Variants in CEP192 observed in about 807,000 individuals in gnomAD.
The protein encoded by CEP192 is centrosomal protein of 192 kDa.
Under a neutral mutation model 271.8 loss-of-function variants are expected in CEP192, and 151 were observed. The observed-to-expected ratio is 0.56, with a 90% CI of 0.49 to 0.64. The LOEUF (loss-of-function observed/expected upper bound fraction) is 0.64. CEP192 is among the 30% of genes least tolerant of loss of function. CEP192 has a pLI of 0.00. For missense variants in CEP192, 2,910 were observed against 3,020.5 expected, an observed-to-expected ratio of 0.96 and a Z score of 0.86; for synonymous variants, 995 against 1,076.5, an observed-to-expected ratio of 0.92 and a Z score of 1.48.
At chr18:13,007,516 G>T (rs116657515) in intron 3 of CEP192, among the ~76,000 whole-genome samples, 5,604 of 152,152 alleles carry the variant, frequency 0.037, 324 homozygotes, top group African/African-American at 0.13. Flanking sequence ...TTTATTTCCT[G>T]TCACCATCTT....
chr18:13,090,043 G>A (rs1344072893), intron 33 of CEP192, among the ~76,000 whole-genome samples: 1 of 152,112 alleles, frequency 6.6e-6, no homozygotes, highest in African/African-American at 2.4e-5. Flanking sequence ...AAAATAGATA[G>A]TAATAAGGTG....
rs1431404711 is a variant in CEP192 at position 13,029,804 on chromosome 18, C to T, written c.1192C>T (p.His398Tyr). Reference sequence around the variant, plus strand: ...TGTAAAACAGGGGGCAGAGTGTCCTCACCAAAATAAGACAGTTTTGCACAT... The same window carrying T: ...TGTAAAACAGGGGGCAGAGTGTCCTTACCAAAATAAGACAGTTTTGCACAT... ...DPVKQGAECP[H>Y]QNKTVLHMDG... Residue 398 changes from histidine (H) to tyrosine (Y), a missense_variant, in exon 10 of 45, where the codon CAC (histidine) becomes TAC (tyrosine). By Grantham distance (83) the His-to-Tyr change is moderately conservative (BLOSUM62 2). Coordinates refer to ENST00000506447, the MANE Select transcript of CEP192 (RefSeq NM_032142.4). 16 of 1,551,524 alleles carry T rather than the reference C, an allele frequency of 1.0e-5. No individual in the cohort carries two copies. Among genetic ancestry groups the T allele is most frequent in the Admixed American group, 2.0e-5 (1 of 50,986 alleles).
chr18:13,020,669 G>C (rs2034937832), intron 9 of CEP192, among the ~76,000 whole-genome samples: 1 of 152,144 alleles, frequency 6.6e-6, no homozygotes, highest in South Asian at 2.1e-4. Flanking sequence ...TTTCACAGCA[G>C]CTGCACCAGT....
At chr18:13,123,426 G>T (rs773935430) in intron 44 of CEP192, among the ~76,000 whole-genome samples, 1 of 152,170 alleles carries the variant, frequency 6.6e-6, no homozygotes, top group Non-Finnish European at 1.5e-5. Context: ...CAGGAAAAGG[G>T]CTTTGAAATA....
At chr18:13,010,352 T>C (rs934660240) in intron 4 of CEP192, among the ~76,000 whole-genome samples, 6 of 152,190 alleles carry the variant, frequency 3.9e-5, no homozygotes, top group African/African-American at 1.4e-4. Context: ...TGCCTGATTA[T>C]ATGTTGTAAG....
In CEP192 at chr18:13,056,262, G is replaced by A. The variant is rs766149397; in HGVS notation, c.3672G>A (p.Gln1224=). Residue 1224 remains glutamine, a synonymous_variant, in exon 19 of 45, where the codon CAG becomes CAA. Coordinates refer to ENST00000506447, the MANE Select transcript of CEP192 (RefSeq NM_032142.4). ...CTCATCAGACCACCTCTGAAAACCA[G>A]TGTACTCCTATTCCCAGCAGCACAG... is the stretch of plus-strand genomic sequence containing the variant. ...QVSHQTTSEN[Q]CTPIPSSTVH... The A allele has an allele frequency of 1.9e-6, 3 of 1,613,862 alleles. No homozygotes were observed. Among genetic ancestry groups the A allele is most frequent in the Admixed American group, 3.3e-5 (2 of 60,028 alleles).
chr18:13,026,678 C>T lies in CEP192; in HGVS notation c.1051-2985C>T, dbSNP rs143422384. On this transcript the variant is annotated intron_variant, in intron 9 of 44. Coordinates refer to ENST00000506447, the MANE Select transcript of CEP192 (RefSeq NM_032142.4). ...GCTGTGTCCAGTCTACCAATGAGCC[C>T]AGCGTAGACATTCCTCACGTGTTAC... is the stretch of plus-strand genomic sequence containing the variant. 2.0e-5 allele frequency among the ~76,000 whole-genome samples: 3 copies of T among 152,304 alleles called. No homozygotes were observed. The East Asian group carries it at 5.8e-4, about 29-fold the overall frequency.
chr18:13,104,894 G>A, intron 39 of CEP192, 90 bp from the exon 40 acceptor site: 1 of 968,260 alleles, frequency 1.0e-6, no homozygotes, highest in Non-Finnish European at 1.7e-6. Flanking sequence ...GTGTTGGTGT[G>A]TTCTCCGCAG....
Position 13,081,632 on chromosome 18 carries a change from C to T in CEP192, c.5617-5385C>T, listed in dbSNP as rs571734859. The stretch of plus-strand genomic sequence containing the variant: ...TTTGAAGGTTTTTTTGTGTCTCTAT[C>T]TCCTTCAGTTCTGCTCTGATCTTCA... On this transcript the variant is annotated intron_variant, in intron 30 of 44. Coordinates refer to ENST00000506447, the MANE Select transcript of CEP192 (RefSeq NM_032142.4). Among the ~76,000 whole-genome samples the T allele has an allele frequency of 1.8e-4, 27 of 152,228 alleles. 2 individuals are homozygous for T. The highest frequency in any genetic ancestry group is 1.7e-4 in the African/African-American group (7 of 41,542).
In CEP192 at chr18:13,049,132, A is replaced by G. The variant is rs1294369048; in HGVS notation, c.2341A>G (p.Met781Val). The change falls in exon 16 of 45, where the codon ATG (methionine) becomes GTG (valine). Residue 781 changes from methionine to valine, a missense_variant. Coordinates refer to ENST00000506447, the MANE Select transcript of CEP192 (RefSeq NM_032142.4). ...EKSNGSNALD[M>V]EKYLKKTEVS... is the part of the protein sequence containing the mutation. ...AAGTAATGGATCCAATGCACTTGAT[A>G]TGGAGAAATACCTTAAAAAAACAGA... 2.5e-6 allele frequency: 4 copies of G among 1,613,900 alleles called. No individual in the cohort carries two copies. Among genetic ancestry groups the G allele is most frequent in the Non-Finnish European group, 3.4e-6 (4 of 1,179,978 alleles).
intron 30 of CEP192, among the ~76,000 whole-genome samples, chr18:13,081,804 G>T (rs1323705760): frequency 3.9e-5 from 6 of 152,188 alleles, no homozygotes; most frequent in Non-Finnish European, 8.8e-5. Context: ...GGTACGTTGT[G>T]TCTTTGTTCT....
At position 13,049,544 on chromosome 18, in the gene CEP192, T is replaced by C. The variant is rs746716141; in HGVS notation, c.2753T>C (p.Leu918Pro). ...GTGAGGAACCCCAGAATAACATCCC[T>C]TTGTCTGTTAAAAGACTGTGAAGAA... ...SSVRNPRITSLCLLKDCEEIR... is the reference protein window; with the variant it reads ...SSVRNPRITSPCLLKDCEEIR... Residue 918 changes from leucine to proline, a missense_variant, in exon 16 of 45, where the codon CTT becomes CCT. Leu to Pro is a moderately conservative substitution (Grantham distance 98). Coordinates refer to ENST00000506447, the MANE Select transcript of CEP192 (RefSeq NM_032142.4). 7 of 1,613,928 alleles carry C rather than the reference T, an allele frequency of 4.3e-6. No homozygotes were observed. In the East Asian group the frequency reaches 1.6e-4, roughly 36 times the overall value.
chr18:13,087,045 G>A lies in CEP192; in HGVS notation c.5645G>A (p.Ser1882Asn). 2 of 1,612,202 alleles carry A rather than the reference G, an allele frequency of 1.2e-6. No homozygotes were observed. Among genetic ancestry groups the A allele is most frequent in the South Asian group, 1.1e-5 (1 of 90,986 alleles). Residue 1882 changes from serine (S) to asparagine (N), a missense_variant, in exon 31 of 45, where the codon AGC becomes AAC. Coordinates refer to ENST00000506447, the MANE Select transcript of CEP192 (RefSeq NM_032142.4). The stretch of plus-strand genomic sequence containing the variant: ...CCTTTGTCTGGATATGGAGGAACAA[G>A]CAATCTTATTTTGGAAGGCGTTAAA... ...TIPLSGYGGT[S>N]NLILEGVKKL...
rs1555698196 is a variant in CEP192 at position 13,000,091 on chromosome 18, C to CTCTCTCTTTTTT, written c.164+504_164+505insCTCTCTTTTTTT. Among the ~76,000 whole-genome samples, 25 of 76,750 alleles carry CTCTCTCTTTTTT rather than the reference C, an allele frequency of 3.3e-4. 1 individual carries two copies. The highest frequency in any genetic ancestry group is 1.0e-3 in the African/African-American group (24 of 23,494). The allele number at this position is 76,750 out of a possible 152,430, so 50.4% of individuals were successfully genotyped here. A position where few individuals can be genotyped will look rare whatever the true frequency, so the allele number is the denominator to read the frequency against. ...CTCTGTATAACTCATTGTCTTCTCT[C>CTCTCTCTTTTTT]TTTTTTTTTTTTTTTTTTTTTTTTT... is the stretch of plus-strand genomic sequence containing the variant. On this transcript the variant is annotated intron_variant, in intron 2 of 44. Transcript: ENST00000506447.
chr18:13,027,975 C>A (rs1413689752), intron 9 of CEP192, among the ~76,000 whole-genome samples: 1 of 152,158 alleles, frequency 6.6e-6, no homozygotes, highest in African/African-American at 2.4e-5. Flanking sequence ...CAAATTACCA[C>A]AGGCATGCCT....
At chr18:13,010,909 T>A (rs1380780748) in intron 4 of CEP192, among the ~76,000 whole-genome samples, 1 of 151,838 alleles carries the variant, frequency 6.6e-6, no homozygotes, top group Non-Finnish European at 1.5e-5. Flanking sequence ...CCAGTATCAT[T>A]AGACATCCAG....
intron 11 of CEP192, among the ~76,000 whole-genome samples, chr18:13,034,671 C>T (rs1392785705): frequency 1.3e-5 from 2 of 151,614 alleles, no homozygotes; most frequent in East Asian, 3.9e-4. Flanking sequence ...AAAAAATTAG[C>T]TGGGTGTGGT....
At chr18:13,096,872 T>C (rs1260149849) in intron 36 of CEP192, among the ~76,000 whole-genome samples, 4 of 152,214 alleles carry the variant, frequency 2.6e-5, no homozygotes, top group Non-Finnish European at 5.9e-5. Context: ...CTGCCTGCCC[T>C]CTGTCCACAG....
At chr18:13,080,648 G>A (rs1391425503) in intron 30 of CEP192, among the ~76,000 whole-genome samples, 1 of 151,780 alleles carries the variant, frequency 6.6e-6, no homozygotes, top group African/African-American at 2.4e-5. Flanking sequence ...TTGCCTGATT[G>A]CCCTGGCCAG....
Sources: allele counts gnomAD v4.1 joint callset (sites outside exome capture counted in the v4.1 genomes callset), GRCh38; gene constraint gnomAD v4.1.1; transcripts MANE v1.5; gene names NCBI Gene and HGNC (gene_info 2026-07-23, HGNC 2026-07-21).